The following MBNL1 variants were observed in gnomAD, a reference collection of about 807,000 sequenced individuals.
The protein encoded by MBNL1 is muscleblind like splicing regulator 1.
MBNL1 carries 8 observed loss-of-function variants against 42.2 expected under a neutral mutation model. That is an observed-to-expected ratio of 0.19 (90% CI 0.11 to 0.34). The LOEUF (loss-of-function observed/expected upper bound fraction) is 0.34, where lower values mean the gene tolerates loss of function less well. Among genes scored for constraint, MBNL1 ranks in the 10% least tolerant of loss-of-function variants. The pLI is 1.00. For missense variants in MBNL1, 309 were observed against 495.3 expected (o/e 0.62, Z 3.57); for synonymous variants, 169 against 173.9 (o/e 0.97, Z 0.22).
chr3:152,371,730 C>T lies in MBNL1; in HGVS notation c.175-43211C>T, dbSNP rs140024332. ...GACCTTTCTCTCTGGCTGCCCTTAACGTTTTTTTCATTCCTTTCAACCTTG... is the reference window on the plus strand; with the variant it reads ...GACCTTTCTCTCTGGCTGCCCTTAATGTTTTTTTCATTCCTTTCAACCTTG... On this transcript the variant is annotated intron_variant, in intron 2 of 9. Transcript: ENST00000324210. 9.2e-5 allele frequency among the ~76,000 whole-genome samples: 14 copies of T among 152,288 alleles called. No individual in the cohort carries two copies. In the East Asian group the frequency reaches 2.5e-3, roughly 27 times the overall value.
At chr3:152,454,169 A>G (rs1290230324) in intron 6 of MBNL1, among the ~76,000 whole-genome samples, 1 of 152,158 alleles carries the variant, frequency 6.6e-6, no homozygotes, top group Admixed American at 6.6e-5. Flanking sequence ...ATGCTTGTCA[A>G]TATAATATTA....
intron 2 of MBNL1, among the ~76,000 whole-genome samples, chr3:152,378,680 A>G (rs752834165): frequency 2.0e-5 from 3 of 152,194 alleles, no homozygotes; most frequent in Non-Finnish European, 4.4e-5. Flanking sequence ...TTGCATCATT[A>G]TTGAAACAGG....
At chr3:152,354,345 C>T (rs1328544218) in intron 2 of MBNL1, among the ~76,000 whole-genome samples, 2 of 152,040 alleles carry the variant, frequency 1.3e-5, no homozygotes, top group Non-Finnish European at 2.9e-5. Flanking sequence ...GTCCCTGCTA[C>T]GTGGGAGGCT....
At chr3:152,387,344 T>C (rs187580752) in intron 2 of MBNL1, among the ~76,000 whole-genome samples, 50 of 152,046 alleles carry the variant, frequency 3.3e-4, no homozygotes, top group Non-Finnish European at 6.0e-4. Context: ...AATGTAAAAC[T>C]GTTATTAAAT....
intron 1 of MBNL1, among the ~76,000 whole-genome samples, chr3:152,297,259 T>G (rs567839169): frequency 6.6e-6 from 1 of 151,338 alleles, no homozygotes; most frequent in South Asian, 2.1e-4. Context: ...CCTTTGTTTT[T>G]TTTTTTTTTT....
intron 1 of MBNL1, among the ~76,000 whole-genome samples, chr3:152,291,039 T>A (rs973732356): frequency 1.4e-4 from 22 of 152,196 alleles, no homozygotes; most frequent in Non-Finnish European, 3.1e-4. Context: ...AAATATTAAA[T>A]GATATGGACA....
chr3:152,346,410 T>G (rs1260806060), intron 2 of MBNL1, among the ~76,000 whole-genome samples: 1 of 152,152 alleles, frequency 6.6e-6, no homozygotes, highest in East Asian at 1.9e-4. Flanking sequence ...GTGAGATACA[T>G]TATTTTTAAA....
intron 2 of MBNL1, chr3:152,340,630 A>T: frequency 5.6e-6 from 9 of 1,614,016 alleles, no homozygotes; most frequent in Non-Finnish European, 7.6e-6. Flanking sequence ...CCTGCAACTA[A>T]ACCCACAAGC....
chr3:152,326,666 A>AT (rs2080374199), intron 2 of MBNL1, among the ~76,000 whole-genome samples: 1 of 152,088 alleles, frequency 6.6e-6, no homozygotes, highest in East Asian at 1.9e-4. Context: ...AATGCATGAT[A>AT]TTTATCAATT....
At chr3:152,456,462 C>T (rs556196383) in intron 8 of MBNL1, 101 bp downstream of exon 8, 6 of 924,996 alleles carry the variant, frequency 6.5e-6, no homozygotes, top group Admixed American at 1.7e-5. Context: ...CAGTGGGAAT[C>T]GTGTGTACGT....
rs940271453 is a variant in MBNL1, at chr3:152,387,290, C to T, written c.175-27651C>T. 2.7e-5 allele frequency among the ~76,000 whole-genome samples: 4 copies of T among 148,372 alleles called. No individual in the cohort carries two copies. In the Admixed American group the frequency reaches 2.7e-4, roughly 10 times the overall value. On this transcript the variant is annotated intron_variant, in intron 2 of 9. Coordinates refer to ENST00000324210, the MANE Select transcript of MBNL1 (RefSeq NM_021038.5). ...TGCTATTTTTATATCACTGCGGTAG[C>T]ATAACCCTGCACCAAGTACAAGACA...
At chr3:152,391,758 A>G (rs1339571064) in intron 2 of MBNL1, among the ~76,000 whole-genome samples, 1 of 152,228 alleles carries the variant, frequency 6.6e-6, no homozygotes. Flanking sequence ...ATGAGAGGTG[A>G]AAAGGCAACT....
chr3:152,274,724 C>A (rs1461804058), intron 1 of MBNL1, among the ~76,000 whole-genome samples: 2 of 151,882 alleles, frequency 1.3e-5, no homozygotes, highest in South Asian at 2.1e-4. Context: ...TTATTTATTT[C>A]TTTTATCTAG....
chr3:152,439,617 TA>T (rs2099121156), intron 4 of MBNL1, among the ~76,000 whole-genome samples: 1 of 152,228 alleles, frequency 6.6e-6, no homozygotes, highest in African/African-American at 2.4e-5. Flanking sequence ...CATCTTCATT[TA>T]AACAATTTAA....
chr3:152,328,072 T>G (rs142173131), intron 2 of MBNL1, among the ~76,000 whole-genome samples: 1 of 152,226 alleles, frequency 6.6e-6, no homozygotes, highest in East Asian at 1.9e-4. Context: ...AAGCCAACAT[T>G]TGAATTTAAT....
chr3:152,300,525 T>C (rs1350740147), intron 2 of MBNL1, among the ~76,000 whole-genome samples, 158 bp downstream of exon 2: 5 of 152,232 alleles, frequency 3.3e-5, no homozygotes, highest in Non-Finnish European at 7.3e-5. Flanking sequence ...CGAGAAGCAG[T>C]AGAATCAAGT....
intron 2 of MBNL1, among the ~76,000 whole-genome samples, chr3:152,376,143 A>G (rs1289578180): frequency 6.6e-6 from 1 of 152,182 alleles, no homozygotes; most frequent in East Asian, 1.9e-4. Flanking sequence ...ATGCATGAAT[A>G]TATTAATAAG....
At chr3:152,246,451 T>C (rs1025972525) in intron 2 of MBNL1, among the ~76,000 whole-genome samples, 3 of 151,970 alleles carry the variant, frequency 2.0e-5, no homozygotes, top group African/African-American at 7.2e-5. Context: ...CTCTCTTTGA[T>C]AAAATTGTCT....
At chr3:152,328,724 A>G (rs929906767) in intron 2 of MBNL1, among the ~76,000 whole-genome samples, 3 of 152,182 alleles carry the variant, frequency 2.0e-5, no homozygotes, top group African/African-American at 7.2e-5. Flanking sequence ...GAAATTTGAA[A>G]TCTTAGCCCT....
Sources: allele counts gnomAD v4.1 joint callset (sites outside exome capture counted in the v4.1 genomes callset), GRCh38; gene constraint gnomAD v4.1.1; transcripts MANE v1.5; gene names NCBI Gene and HGNC (gene_info 2026-07-23, HGNC 2026-07-21).